CDH1: variants seen among roughly 807,000 people sequenced by gnomAD.
The protein encoded by CDH1 is cadherin 1.
A neutral mutation model predicts 84.5 loss-of-function variants in CDH1; 35 were observed. That is an observed-to-expected ratio of 0.41 (90% CI 0.32 to 0.55). CDH1 has a LOEUF of 0.55. CDH1 is among the 20% of genes least tolerant of loss of function. The pLI is 0.19. For synonymous variants in CDH1, 417 were observed against 439.0 expected, an observed-to-expected ratio of 0.95 and a Z score of 0.63; for missense variants, 994 against 1,126.6, an observed-to-expected ratio of 0.88 and a Z score of 1.68.
chr16:68,790,661 C>T (rs906209821), intron 2 of CDH1, among the ~76,000 whole-genome samples: 3 of 152,284 alleles, frequency 2.0e-5, no homozygotes, highest in Non-Finnish European at 4.4e-5. Context: ...GGCCTAATGT[C>T]GCTGCCAACT....
intron 2 of CDH1, among the ~76,000 whole-genome samples, chr16:68,751,228 A>AGCGC (rs1962876032): frequency 6.6e-6 from 1 of 152,124 alleles, no homozygotes; most frequent in African/African-American, 2.4e-5. Context: ...CCTTTCTATG[A>AGCGC]CTTCTGAGGC....
intron 10 of CDH1, among the ~76,000 whole-genome samples, chr16:68,819,019 C>A (rs1961064288): frequency 2.0e-5 from 3 of 152,010 alleles, no homozygotes; most frequent in Admixed American, 1.3e-4. Context: ...CCACACCCAG[C>A]TAATTTTTGT....
chr16:68,774,478 C>T (rs1421462544), intron 2 of CDH1, among the ~76,000 whole-genome samples: 1 of 152,108 alleles, frequency 6.6e-6, no homozygotes, highest in Non-Finnish European at 1.5e-5. Flanking sequence ...CAAGATTGCA[C>T]CACTGCATTC....
chr16:68,750,077 G>A (rs886715601), intron 2 of CDH1, among the ~76,000 whole-genome samples: 4 of 149,720 alleles, frequency 2.7e-5, no homozygotes, highest in African/African-American at 9.8e-5. Flanking sequence ...CTCTCGAAGT[G>A]CTGGGATTAC....
At chr16:68,745,587 ATATGTGTATATATATG>A (rs1041098034) in intron 2 of CDH1, among the ~76,000 whole-genome samples, 1 of 123,836 alleles carries the variant, frequency 8.1e-6, no homozygotes. Context: ...TATGTGTAAT[ATATGTGTATATATATG>A]TATGTGTATA....
At chr16:68,778,101 G>T (rs982221480) in intron 2 of CDH1, among the ~76,000 whole-genome samples, 11 of 152,122 alleles carry the variant, frequency 7.2e-5, no homozygotes, top group Middle Eastern at 3.2e-3. Context: ...AGGCTGGAGT[G>T]CAGTGGTGCA....
At chr16:68,795,685 G>C (rs970654258) in intron 2 of CDH1, among the ~76,000 whole-genome samples, 1 of 151,536 alleles carries the variant, frequency 6.6e-6, no homozygotes, top group East Asian at 2.0e-4. Flanking sequence ...CAGTAGAGAC[G>C]GGGTTTCACC....
chr16:68,822,446 G>A, intron 12 of CDH1: 3 of 602,226 alleles, frequency 5.0e-6, no homozygotes, highest in Admixed American at 2.6e-5. Flanking sequence ...TAAAACCCAA[G>A]CAGGGCTCCC....
intron 8 of CDH1, among the ~76,000 whole-genome samples, chr16:68,812,861 G>A (rs1960877265): frequency 1.3e-5 from 2 of 152,088 alleles, no homozygotes; most frequent in African/African-American, 2.4e-5. Context: ...CCAACGTGGC[G>A]AAACTCCATC....
chr16:68,777,758 G>A (rs1313652501), intron 2 of CDH1, among the ~76,000 whole-genome samples: 2 of 151,956 alleles, frequency 1.3e-5, no homozygotes, highest in East Asian at 1.9e-4. Context: ...TTGAGATGGG[G>A]TCTCACTCTG....
At position 68,801,769 on chromosome 16, in the gene CDH1, C is replaced by G. The variant is rs1381409755; in HGVS notation, c.263C>G (p.Pro88Arg). 6.2e-7 allele frequency: 1 copy of G among 1,614,136 alleles called. No individual in the cohort carries two copies. Among genetic ancestry groups the G allele is most frequent in the East Asian group, 2.2e-5 (1 of 44,888 alleles). The change falls in exon 3 of 16, where the codon CCT becomes CGT. Residue 88 changes from proline to arginine, a missense_variant. Physicochemically the swap from Pro to Arg is moderately radical, Grantham distance 103 (BLOSUM62 -2). This residue lies in a region of CDH1 where 203 missense variants were observed against 194.0 expected (regional missense o/e 1.05). Transcript: ENST00000261769. ...GTDGVITVKR[P>R]LRFHNPQIHF... ...GATGGTGTGATTACAGTCAAAAGGCCTCTACGGTTTCATAACCCACAGATC... is the reference window on the plus strand; with the variant it reads ...GATGGTGTGATTACAGTCAAAAGGCGTCTACGGTTTCATAACCCACAGATC...
intron 2 of CDH1, among the ~76,000 whole-genome samples, chr16:68,767,466 G>A (rs923957168): frequency 6.6e-6 from 1 of 151,946 alleles, no homozygotes; most frequent in African/African-American, 2.4e-5. Flanking sequence ...CCAAAGTGCT[G>A]GGATTATAGG....
rs1434277339 is a variant in CDH1 at position 68,808,714 on chromosome 16, G to C, written c.553G>C (p.Glu185Gln). Residue 185 changes from glutamate (E) to glutamine (Q), a missense_variant, in exon 5 of 16, where the codon GAA becomes CAA. Physicochemically the swap from Glu to Gln is conservative, Grantham distance 29. Around this residue, in one of 3 missense-constraint regions of CDH1, gnomAD observed 22 missense variants for 50.8 expected, o/e 0.43. Transcript: ENST00000261769. Reference sequence around the variant, plus strand: ...TCAGATCAAATCCAACAAAGACAAAGAAGGCAAGGTTTTCTACAGCATCAC... The same window carrying C: ...TCAGATCAAATCCAACAAAGACAAACAAGGCAAGGTTTTCTACAGCATCAC... Reference protein sequence around the residue: ...LVQIKSNKDKEGKVFYSITGQ... With the variant: ...LVQIKSNKDKQGKVFYSITGQ... 1 of 1,614,020 alleles carries C rather than the reference G, an allele frequency of 6.2e-7. No homozygotes were observed. Among genetic ancestry groups the C allele is most frequent in the Non-Finnish European group, 8.5e-7 (1 of 1,180,030 alleles).
At chr16:68,762,730 G>A (rs974364212) in intron 2 of CDH1, among the ~76,000 whole-genome samples, 3 of 151,928 alleles carry the variant, frequency 2.0e-5, no homozygotes, top group South Asian at 2.1e-4. Context: ...CCGACATGGC[G>A]AAACCCAGTC....
intron 2 of CDH1, among the ~76,000 whole-genome samples, chr16:68,771,730 G>A (rs1363418966): frequency 2.0e-5 from 3 of 147,490 alleles, no homozygotes; most frequent in Non-Finnish European, 3.0e-5. Flanking sequence ...CCAGCCTGGC[G>A]ACAGAGCAAG....
chr16:68,780,514 G>T (rs947622959), intron 2 of CDH1, among the ~76,000 whole-genome samples: 7 of 152,110 alleles, frequency 4.6e-5, no homozygotes, highest in Admixed American at 3.3e-4. Context: ...ATGTTGGCCA[G>T]GCTGATTTCA....
intron 2 of CDH1, among the ~76,000 whole-genome samples, chr16:68,772,178 C>T (rs1310121302): frequency 6.6e-6 from 1 of 152,178 alleles, no homozygotes; most frequent in Non-Finnish European, 1.5e-5. Context: ...AAATTGGCCC[C>T]GTGTTGCCAC....
intron 2 of CDH1, among the ~76,000 whole-genome samples, chr16:68,783,769 C>G (rs1014971175): frequency 8.6e-5 from 13 of 152,024 alleles, no homozygotes; most frequent in Non-Finnish European, 1.2e-4. Flanking sequence ...CCTCACCTCC[C>G]GGGTTCAAGC....
At chr16:68,806,441 C>T (rs147968491) in intron 3 of CDH1, among the ~76,000 whole-genome samples, 34 of 152,046 alleles carry the variant, frequency 2.2e-4, no homozygotes, top group Admixed American at 9.8e-4. Context: ...TGAGCCACCA[C>T]GCCTGGCCCA....
Sources: allele counts gnomAD v4.1 joint callset (sites outside exome capture counted in the v4.1 genomes callset), GRCh38; gene constraint gnomAD v4.1.1; regional missense constraint gnomAD v4.1.1; transcripts MANE v1.5; gene names NCBI Gene and HGNC (gene_info 2026-07-23, HGNC 2026-07-21).